Variants in DDR2 observed in about 807,000 individuals in gnomAD.
DDR2 encodes discoidin domain-containing receptor 2.
Under a neutral mutation model 94.9 loss-of-function variants are expected in DDR2, and 27 were observed. The ratio of observed to expected loss-of-function variants is 0.28; its 90% CI spans 0.21 to 0.39. The LOEUF (loss-of-function observed/expected upper bound fraction) is 0.39. Among genes scored for constraint, DDR2 ranks in the 10% least tolerant of loss-of-function variants. The probability of loss-of-function intolerance (pLI) is 1.00; values close to 1 mark genes in which losing one functional copy is unlikely to be tolerated. For missense variants in DDR2, 783 were observed against 1,076.0 expected (o/e 0.73, Z 3.81); for synonymous variants, 382 against 377.2 (o/e 1.01, Z -0.15).
At position 162,656,855 on chromosome 1, in the gene DDR2, TTTTG is replaced by T. The variant is rs1558008882; in HGVS notation, c.-28+1484_-28+1487del. Among the ~76,000 whole-genome samples, 15 of 133,854 alleles carry T rather than the reference TTTTG, an allele frequency of 1.1e-4. 2 individuals are homozygous for T. The highest frequency in any genetic ancestry group is 2.5e-4 in the South Asian group (1 of 3,970). 87.8% of individuals were successfully genotyped at this position (133,854 alleles called of 152,430 possible). A position where few individuals can be genotyped will look rare whatever the true frequency, so the allele number is the denominator to read the frequency against. ...GGAGTTTTTTTTTTTTTTTTATTTT[TTTTG>T]TTAACAGGGTTTTGCTCTGTCACCC... is the stretch of plus-strand genomic sequence containing the variant. On this transcript the variant is annotated intron_variant, in intron 2 of 17. Coordinates refer to ENST00000367921, the MANE Select transcript of DDR2 (RefSeq NM_006182.4).
Position 162,755,262 on chromosome 1 carries a change from A to G in DDR2, c.524A>G (p.Asn175Ser), listed in dbSNP as rs1490997323. 1.2e-6 allele frequency: 2 copies of G among 1,613,790 alleles called. No individual in the cohort carries two copies. Among genetic ancestry groups the G allele is most frequent in the South Asian group, 1.1e-5 (1 of 91,074 alleles). Residue 175 changes from asparagine to serine, a missense_variant, in exon 6 of 18, where the codon AAT (asparagine) becomes AGT (serine). Physicochemically the swap from Asn to Ser is conservative, Grantham distance 46 (BLOSUM62 1). Around this residue, in one of 2 missense-constraint regions of DDR2, gnomAD observed 519 missense variants for 647.9 expected, o/e 0.80. Transcript: ENST00000367921. ...RFIPVTDHSMNVCMRVELYGC... is the reference protein window; with the variant it reads ...RFIPVTDHSMSVCMRVELYGC... The stretch of plus-strand genomic sequence containing the variant: ...ATTCCAGTCACCGACCACTCCATGA[A>G]TGTGTGTATGAGAGTGGAGCTTTAC...
At chr1:162,716,813 C>T (rs1661188035) in intron 2 of DDR2, among the ~76,000 whole-genome samples, 1 of 151,982 alleles carries the variant, frequency 6.6e-6, no homozygotes, top group Non-Finnish European at 1.5e-5. Flanking sequence ...CTCATGTCAT[C>T]CTCTGATTTA....
At chr1:162,713,817 T>C in intron 2 of DDR2, among the ~76,000 whole-genome samples, 1 of 152,184 alleles carries the variant, frequency 6.6e-6, no homozygotes, top group East Asian at 1.9e-4. Flanking sequence ...GCATGCCTCA[T>C]TGTGTACACA....
chr1:162,755,288 G>A lies in DDR2; in HGVS notation c.550G>A (p.Gly184Ser), dbSNP rs1279756602. The A allele has an allele frequency of 1.2e-6, 2 of 1,613,786 alleles. No homozygotes were observed. The highest frequency in any genetic ancestry group is 1.7e-6 in the Non-Finnish European group (2 of 1,180,010). Reference protein sequence around the residue: ...MNVCMRVELYGCVWLDGLVSY... With the variant: ...MNVCMRVELYSCVWLDGLVSY... The stretch of plus-strand genomic sequence containing the variant: ...TGTGTGTATGAGAGTGGAGCTTTAC[G>A]GCTGTGTCTGGCTAGGTAGGTCACT... Residue 184 changes from glycine to serine, a missense_variant, in exon 6 of 18, where the codon GGC becomes AGC. Around this residue, in one of 2 missense-constraint regions of DDR2, gnomAD observed 519 missense variants for 647.9 expected, o/e 0.80. Transcript: ENST00000367921.
At chr1:162,695,795 C>T (rs1277573203) in intron 2 of DDR2, among the ~76,000 whole-genome samples, 2 of 152,190 alleles carry the variant, frequency 1.3e-5, no homozygotes, top group Non-Finnish European at 2.9e-5. Context: ...ATAAAAACTG[C>T]TTTAAATAGA....
chr1:162,664,054 C>CT (rs1480771950), intron 2 of DDR2, among the ~76,000 whole-genome samples: 1 of 151,942 alleles, frequency 6.6e-6, no homozygotes, highest in East Asian at 1.9e-4. Context: ...AGGAAGGGGG[C>CT]TGGAGTACTG....
chr1:162,702,756 G>A (rs936709959), intron 2 of DDR2, among the ~76,000 whole-genome samples: 1 of 152,202 alleles, frequency 6.6e-6, no homozygotes, highest in Admixed American at 6.5e-5. Flanking sequence ...GAAGGACTAA[G>A]AAACAGAGGC....
At chr1:162,664,170 T>C (rs1658435595) in intron 2 of DDR2, among the ~76,000 whole-genome samples, 1 of 151,962 alleles carries the variant, frequency 6.6e-6, no homozygotes, top group Admixed American at 6.6e-5. Flanking sequence ...TTATGAAGAC[T>C]TTTTTTGCCC....
chr1:162,757,808 G>A (rs891763152), intron 7 of DDR2, among the ~76,000 whole-genome samples: 41 of 152,128 alleles, frequency 2.7e-4, no homozygotes, highest in Admixed American at 2.4e-3. Context: ...GGCCATAACC[G>A]TGACTGTGGG....
In DDR2 at chr1:162,651,988, G is replaced by A. The variant is rs933805790; in HGVS notation, c.-191-3223G>A. Among the ~76,000 whole-genome samples, 12 of 152,278 alleles carry A rather than the reference G, an allele frequency of 7.9e-5. No individual in the cohort carries two copies. The South Asian group carries it at 8.3e-4, about 11-fold the overall frequency. ...TATCTCCATGAAACCGACTGGCTTC[G>A]CTACATCATGGGAAGGGTGTTATCT... On this transcript the variant is annotated intron_variant, in intron 1 of 17. Coordinates refer to ENST00000367921, the MANE Select transcript of DDR2 (RefSeq NM_006182.4).
chr1:162,758,175 T>TA (rs1348881702), intron 7 of DDR2, among the ~76,000 whole-genome samples: 3 of 151,698 alleles, frequency 2.0e-5, no homozygotes, highest in Admixed American at 6.6e-5. Context: ...AGGGGAAAGA[T>TA]AAAAAAAATT....
At chr1:162,766,830 G>A (rs936419946) in intron 10 of DDR2, among the ~76,000 whole-genome samples, 8 of 151,952 alleles carry the variant, frequency 5.3e-5, no homozygotes, top group East Asian at 1.9e-4. Flanking sequence ...TCAGGAGTTC[G>A]AGACCAGACT....
At chr1:162,681,322 T>C (rs540993374) in intron 2 of DDR2, among the ~76,000 whole-genome samples, 2 of 152,220 alleles carry the variant, frequency 1.3e-5, no homozygotes, top group South Asian at 4.2e-4. Context: ...TGAGAGTCTT[T>C]TGAAATATGT....
At chr1:162,667,350 G>A (rs1658631451) in intron 2 of DDR2, among the ~76,000 whole-genome samples, 1 of 152,032 alleles carries the variant, frequency 6.6e-6, no homozygotes. Flanking sequence ...AGAGCTAAAG[G>A]GGGCAACTGG....
rs1657060003 is a variant in DDR2 at position 162,640,242 on chromosome 1, A to G, written c.-192+7611A>G. Among the ~76,000 whole-genome samples the G allele has an allele frequency of 2.6e-5, 4 of 152,188 alleles. No individual in the cohort carries two copies. The South Asian group carries it at 8.3e-4, about 32-fold the overall frequency. On this transcript the variant is annotated intron_variant, in intron 1 of 17. Transcript: ENST00000367921. ...TTTTTAGTACAGACAGGGTTTCACC[A>G]TGTTGGCCAGGCTGGTTTCGAACTC... is the stretch of plus-strand genomic sequence containing the variant.
chr1:162,686,463 C>A (rs554676354), intron 2 of DDR2, among the ~76,000 whole-genome samples: 95 of 152,198 alleles, frequency 6.2e-4, no homozygotes, highest in African/African-American at 2.2e-3. Context: ...TGAGAATATG[C>A]GGTGTTTGGT....
chr1:162,675,585 A>G (rs1245983727), intron 2 of DDR2, among the ~76,000 whole-genome samples: 1 of 152,214 alleles, frequency 6.6e-6, no homozygotes, highest in Non-Finnish European at 1.5e-5. Flanking sequence ...TGCACATTGT[A>G]GGCACTTAGC....
At chr1:162,652,216 T>G (rs1657727927) in intron 1 of DDR2, among the ~76,000 whole-genome samples, 1 of 152,346 alleles carries the variant, frequency 6.6e-6, no homozygotes, top group Admixed American at 6.5e-5. Context: ...TCAAAAATTG[T>G]CATGCTTACC....
intron 3 of DDR2, among the ~76,000 whole-genome samples, chr1:162,723,670 C>A (rs1453337942): frequency 1.3e-5 from 2 of 152,176 alleles, no homozygotes; most frequent in Non-Finnish European, 2.9e-5. Flanking sequence ...CCTGACTTGG[C>A]CTGTGACAAC....
Sources: gnomAD v4.1 joint callset for allele counts (sites outside exome capture counted in the v4.1 genomes callset) on GRCh38, gnomAD v4.1.1 for gene constraint, gnomAD v4.1.1 regional missense constraint, MANE v1.5 for transcripts, NCBI Gene and HGNC (gene_info 2026-07-23, HGNC 2026-07-21) for gene names.